The following ENPP1 variants were observed in gnomAD, a reference collection of about 807,000 sequenced individuals.
ENPP1 encodes the protein ectonucleotide pyrophosphatase/phosphodiesterase 1, also known as ectonucleotide pyrophosphatase/phosphodiesterase family member 1.
Under a neutral mutation model 122.8 loss-of-function variants are expected in ENPP1, and 73 were observed. The observed-to-expected ratio is 0.59, with a 90% confidence interval of 0.49 to 0.72. The LOEUF (loss-of-function observed/expected upper bound fraction) is 0.72, where lower values mean the gene tolerates loss of function less well. ENPP1 is among the 30% of genes least tolerant of loss of function. The probability of loss-of-function intolerance (pLI) is 0.00; values close to 1 mark genes in which losing one functional copy is unlikely to be tolerated. For missense variants in ENPP1, 978 were observed against 1,128.1 expected (o/e 0.87, Z 1.91); for synonymous variants, 367 against 391.6 (o/e 0.94, Z 0.74).
intron 1 of ENPP1, among the ~76,000 whole-genome samples, chr6:131,824,611 T>C (rs976189892): frequency 2.0e-5 from 3 of 152,060 alleles, no homozygotes; most frequent in African/African-American, 4.8e-5. Flanking sequence ...CTCGTCACCA[T>C]GCCCAGCTAA....
At chr6:131,890,285 G>A (rs1782450865) in intron 24 of ENPP1, 56 bp from the exon 25 acceptor site, 1 of 1,371,082 alleles carries the variant, frequency 7.3e-7, no homozygotes, top group Admixed American at 1.7e-5. Context: ...AGCACTTATA[G>A]AAGTGAACTG....
At chr6:131,844,650 G>C (rs536851092) in intron 1 of ENPP1, among the ~76,000 whole-genome samples, 1 of 152,328 alleles carries the variant, frequency 6.6e-6, no homozygotes, top group African/African-American at 2.4e-5. Context: ...AGTAAATGGA[G>C]TTATGGAAGA....
chr6:131,882,725 C>T (rs1029602670), intron 21 of ENPP1, among the ~76,000 whole-genome samples: 1 of 148,998 alleles, frequency 6.7e-6, no homozygotes, highest in African/African-American at 2.5e-5. Flanking sequence ...TCTAGAACTA[C>T]CAAGGGAAAA....
At chr6:131,832,632 G>A (rs138980273) in intron 1 of ENPP1, among the ~76,000 whole-genome samples, 1 of 152,192 alleles carries the variant, frequency 6.6e-6, no homozygotes, top group Non-Finnish European at 1.5e-5. Context: ...AGGAGTCCAC[G>A]AAAGGCTTGA....
rs1206715480 is a variant in ENPP1, at chr6:131,827,314, G to A, written c.240+19039G>A. ...GGATCATACTGATTAGCCAGATGAA[G>A]GATGAAGGCAAAGTCATTCTTGACA... On this transcript the variant is annotated intron_variant, in intron 1 of 24. Transcript: ENST00000647893. 7 of 1,338,558 alleles carry A rather than the reference G, an allele frequency of 5.2e-6. No homozygotes were observed. In the East Asian group the frequency reaches 1.6e-4, roughly 31 times the overall value. The allele number at this position is 1,338,558 out of a possible 1,614,324, so 82.9% of individuals were successfully genotyped here.
At chr6:131,816,387 T>A (rs1781414040) in intron 1 of ENPP1, among the ~76,000 whole-genome samples, 1 of 152,008 alleles carries the variant, frequency 6.6e-6, no homozygotes, top group African/African-American at 2.4e-5. Flanking sequence ...CAAGAAAAAA[T>A]AAACAAGAAA....
At chr6:131,849,823 T>A (rs553979206) in intron 2 of ENPP1, among the ~76,000 whole-genome samples, 167 bp from the exon 3 acceptor site, 2 of 152,314 alleles carry the variant, frequency 1.3e-5, no homozygotes, top group African/African-American at 4.8e-5. Context: ...TTGTATCACT[T>A]TTTGTGTGTA....
At chr6:131,817,367 A>G (rs1781427520) in intron 1 of ENPP1, among the ~76,000 whole-genome samples, 1 of 152,162 alleles carries the variant, frequency 6.6e-6, no homozygotes, top group Admixed American at 6.5e-5. Flanking sequence ...TTGCCTCTAT[A>G]TTGAGATATA....
intron 3 of ENPP1, among the ~76,000 whole-genome samples, chr6:131,850,766 A>G (rs546043686): frequency 2.0e-5 from 3 of 152,234 alleles, no homozygotes; most frequent in Admixed American, 6.5e-5. Flanking sequence ...ATGAGGTCTC[A>G]CTACATTGCC....
intron 1 of ENPP1, among the ~76,000 whole-genome samples, chr6:131,808,601 A>G (rs1210281094): frequency 1.3e-5 from 2 of 152,326 alleles, no homozygotes; most frequent in East Asian, 3.9e-4. Context: ...GAAAAATGTC[A>G]AACGCGAAAG....
At chr6:131,860,586 A>G in intron 8 of ENPP1, 80 bp downstream of exon 8, 1 of 1,089,398 alleles carries the variant, frequency 9.2e-7, no homozygotes, top group Non-Finnish European at 1.4e-6. Flanking sequence ...GATTCTCTAG[A>G]GCTTTTAATA....
At chr6:131,843,085 G>A (rs774458331) in intron 1 of ENPP1, among the ~76,000 whole-genome samples, 1 of 152,074 alleles carries the variant, frequency 6.6e-6, no homozygotes, top group Non-Finnish European at 1.5e-5. Context: ...TACCTAAATT[G>A]TTATGGAGAT....
chr6:131,817,928 A>T (rs1312396041), intron 1 of ENPP1, among the ~76,000 whole-genome samples: 1 of 152,116 alleles, frequency 6.6e-6, no homozygotes, highest in African/African-American at 2.4e-5. Flanking sequence ...GTATTTCAGG[A>T]CTTTGCACAG....
chr6:131,857,282 C>T (rs1781959619), intron 6 of ENPP1, among the ~76,000 whole-genome samples: 1 of 148,934 alleles, frequency 6.7e-6, no homozygotes, highest in Non-Finnish European at 1.5e-5. Context: ...CCATTTGACC[C>T]AGCCATCCCA....
chr6:131,856,098 T>C (rs930777524), intron 6 of ENPP1, among the ~76,000 whole-genome samples: 2 of 152,144 alleles, frequency 1.3e-5, no homozygotes, highest in Non-Finnish European at 2.9e-5. Context: ...ATTTTTAGTT[T>C]TTAATTTCTA....
At chr6:131,857,501 G>A (rs1310966644) in intron 6 of ENPP1, among the ~76,000 whole-genome samples, 1 of 150,190 alleles carries the variant, frequency 6.7e-6, no homozygotes, top group Non-Finnish European at 1.5e-5. Context: ...TCCTTTGTAG[G>A]GACATGGATG....
chr6:131,814,238 A>T lies in ENPP1; in HGVS notation c.240+5963A>T, dbSNP rs1019655381. Among the ~76,000 whole-genome samples the T allele has an allele frequency of 1.2e-4, 18 of 152,246 alleles. No homozygotes were observed. In the South Asian group the frequency reaches 1.2e-3, roughly 11 times the overall value. On this transcript the variant is annotated intron_variant, in intron 1 of 24. Transcript: ENST00000647893. ...GATGTGGGAGGATTGCTTGAGCTCA[A>T]GAGTTCACGACCTACCTGGGCAACA...
chr6:131,875,681 C>T (rs959735908), intron 16 of ENPP1, 95 bp from the exon 17 acceptor site: 8 of 889,248 alleles, frequency 9.0e-6, no homozygotes, highest in Non-Finnish European at 1.3e-5. Context: ...TTATCATAAC[C>T]AGTTTGTATA....
intron 7 of ENPP1, among the ~76,000 whole-genome samples, chr6:131,859,860 A>T (rs1053923075): frequency 6.6e-6 from 1 of 152,184 alleles, no homozygotes; most frequent in African/African-American, 2.4e-5. Context: ...AACTTCAAGG[A>T]GCCTGGCCAG....
Sources: gnomAD v4.1 joint callset for allele counts (sites outside exome capture counted in the v4.1 genomes callset) on GRCh38, gnomAD v4.1.1 for gene constraint, MANE v1.5 for transcripts, NCBI Gene and HGNC (gene_info 2026-07-23, HGNC 2026-07-21) for gene names.